The following DIXDC1 variants were observed in gnomAD, a reference collection of about 807,000 sequenced individuals.
DIXDC1 encodes DIX domain containing 1.
Under a neutral mutation model 103.1 loss-of-function variants are expected in DIXDC1, and 64 were observed. The ratio of observed to expected loss-of-function variants is 0.62; its 90% CI spans 0.51 to 0.76. DIXDC1 has a LOEUF of 0.76. Among genes scored for constraint, DIXDC1 ranks in the 30% least tolerant of loss-of-function variants. The pLI, the probability that DIXDC1 is intolerant of heterozygous loss-of-function variation, is 0.00. For synonymous variants in DIXDC1, 266 were observed against 298.5 expected, an observed-to-expected ratio of 0.89 and a Z score of 1.12; for missense variants, 759 against 834.2, an observed-to-expected ratio of 0.91 and a Z score of 1.11.
Position 111,997,347 on chromosome 11 carries a change from C to T in DIXDC1, c.1756+1201C>T, listed in dbSNP as rs1458175267. Among the ~76,000 whole-genome samples, 7 of 150,726 alleles carry T rather than the reference C, an allele frequency of 4.6e-5. No individual in the cohort carries two copies. In the East Asian group the frequency reaches 5.8e-4, roughly 13 times the overall value. On this transcript the variant is annotated intron_variant, in intron 17 of 19. Transcript: ENST00000440460. ...AATGAAACAAATTTTTTTTTTTTAGCGGCGGGGGATGGAGTTTCACTCTTG... is the reference window on the plus strand; with the variant it reads ...AATGAAACAAATTTTTTTTTTTTAGTGGCGGGGGATGGAGTTTCACTCTTG...
chr11:111,964,703 C>A, intron 2 of DIXDC1, 25 bp downstream of exon 2: 1 of 1,580,712 alleles, frequency 6.3e-7, no homozygotes, highest in South Asian at 1.2e-5. Context: ...GACTCTGATA[C>A]TAGAGTACAT....
At chr11:111,948,279 G>T (rs781785186) in intron 1 of DIXDC1, among the ~76,000 whole-genome samples, 2 of 152,122 alleles carry the variant, frequency 1.3e-5, no homozygotes, top group Non-Finnish European at 2.9e-5. Flanking sequence ...CAGTTTTCAC[G>T]GTCCTACATT....
At chr11:111,952,722 A>G (rs1285613268) in intron 1 of DIXDC1, among the ~76,000 whole-genome samples, 6 of 151,814 alleles carry the variant, frequency 4.0e-5, no homozygotes, top group Non-Finnish European at 7.4e-5. Context: ...TAGGAGGCCG[A>G]GGCAGGAGAA....
At chr11:111,997,602 AT>A (rs1555175531) in intron 17 of DIXDC1, among the ~76,000 whole-genome samples, 1 of 152,204 alleles carries the variant, frequency 6.6e-6, no homozygotes, top group African/African-American at 2.4e-5. Context: ...GTGTTTCAAA[AT>A]AGTCATTTCT....
At chr11:111,928,515 C>G (rs1240660429) in intron 1 of DIXDC1, 1 of 152,264 alleles carries the variant, frequency 6.6e-6, no homozygotes, top group East Asian at 1.9e-4. Context: ...AATCACAGCA[C>G]TTTGGGAGGC....
chr11:111,949,342 G>A (rs1966699679), intron 1 of DIXDC1, among the ~76,000 whole-genome samples: 2 of 152,168 alleles, frequency 1.3e-5, no homozygotes, highest in South Asian at 2.1e-4. Context: ...ACTTTTCCCA[G>A]TGCTTGTTCT....
At position 112,017,508 on chromosome 11, in the gene DIXDC1, T is replaced by G. The variant is rs1861630275; in HGVS notation, c.1863-269T>G. 8.3e-6 allele frequency: 2 copies of G among 241,098 alleles called. No homozygotes were observed. The highest frequency in any genetic ancestry group is 1.6e-5 in the Non-Finnish European group (2 of 124,212). The allele number at this position is 241,098 out of a possible 1,614,324, so 14.9% of individuals were successfully genotyped here. A position where few individuals can be genotyped will look rare whatever the true frequency, so the allele number is the denominator to read the frequency against. On this transcript the variant is annotated intron_variant, in intron 18 of 19. Transcript: ENST00000440460. This position sits in a 1 kb window ranked among gnomAD's most constrained non-coding sequence, Gnocchi z 4.0. ...ATTTTATTTCAGGGACTTTATATCT[T>G]ATTTCCAGAGAAAAGTGATTTGGCT... is the stretch of plus-strand genomic sequence containing the variant.
At chr11:111,967,974 G>C (rs2137518225) in intron 2 of DIXDC1, among the ~76,000 whole-genome samples, 1 of 152,296 alleles carries the variant, frequency 6.6e-6, no homozygotes, top group African/African-American at 2.4e-5. Flanking sequence ...TTGTCCCTGT[G>C]GTTCCTCAGT....
At chr11:111,994,596 A>ATATG (rs199915608) in intron 14 of DIXDC1, among the ~76,000 whole-genome samples, 11 of 147,512 alleles carry the variant, frequency 7.5e-5, no homozygotes, top group East Asian at 1.9e-4. Flanking sequence ...TTATGTATGT[A>ATATG]TATGTATGTA....
At chr11:111,941,872 A>ACACC (rs1169037989) in intron 1 of DIXDC1, among the ~76,000 whole-genome samples, 25 of 150,932 alleles carry the variant, frequency 1.7e-4, no homozygotes, top group Admixed American at 5.9e-4. Flanking sequence ...ACACACACAC[A>ACACC]CCCACGAAGA....
chr11:112,007,874 C>T (rs1436306313), intron 17 of DIXDC1, among the ~76,000 whole-genome samples: 4 of 150,530 alleles, frequency 2.7e-5, no homozygotes, highest in South Asian at 2.1e-4. Flanking sequence ...TCAAGACCAT[C>T]GATGCTATGA....
chr11:111,992,842 C>T, intron 11 of DIXDC1, 109 bp from the exon 12 acceptor site: 1 of 1,096,958 alleles, frequency 9.1e-7, no homozygotes, highest in Non-Finnish European at 1.3e-6. Flanking sequence ...CATACCCTCT[C>T]TGTGCTGCAT....
In DIXDC1 at chr11:111,992,046, C is replaced by T. The variant is rs587736427; in HGVS notation, c.1114-369C>T. ...AGAGTGCATTGTCCAAGGCTGACAT[C>T]ACAAAAGTAGTAAGTGGTAGGTTTA... On this transcript the variant is annotated intron_variant, in intron 10 of 19. Coordinates refer to ENST00000440460, the MANE Select transcript of DIXDC1 (RefSeq NM_001037954.4). Among the ~76,000 whole-genome samples the T allele has an allele frequency of 9.2e-5, 14 of 152,278 alleles. No individual in the cohort carries two copies. The South Asian group carries it at 2.7e-3, about 29-fold the overall frequency.
rs1270795925 is a variant in DIXDC1, at chr11:111,998,862, A to G, written c.1756+2716A>G. Among the ~76,000 whole-genome samples, 2 of 152,202 alleles carry G rather than the reference A, an allele frequency of 1.3e-5. No individual in the cohort carries two copies. The highest frequency in any genetic ancestry group is 1.5e-5 in the Non-Finnish European group (1 of 68,038). On this transcript the variant is annotated intron_variant, in intron 17 of 19. Transcript: ENST00000440460. The surrounding 1 kb of genome is among the most constrained non-coding windows in gnomAD (Gnocchi z 4.1). ...TACTATATTTTTAAATGTAAACTAG[A>G]TATCTCTCTCTGTAGGTCCCAAGGC... is the stretch of plus-strand genomic sequence containing the variant.
intron 3 of DIXDC1, 61 bp downstream of exon 3, chr11:111,968,699 A>G (rs1859814522): frequency 1.4e-6 from 2 of 1,478,118 alleles, no homozygotes; most frequent in South Asian, 1.5e-5. Context: ...TGCTAGCCTC[A>G]GGAAAATCCT....
Position 111,977,392 on chromosome 11 carries a change from G to A in DIXDC1, c.656+2409G>A. ...GCCGGGAGCCTCCCTCCCAGTGGGA[G>A]ATGGGTTGAGATGCCCCCGCCAGGG... On this transcript the variant is annotated intron_variant, in intron 5 of 19. Coordinates refer to ENST00000440460, the MANE Select transcript of DIXDC1 (RefSeq NM_001037954.4). The surrounding 1 kb of genome is among the most constrained non-coding windows in gnomAD (Gnocchi z 6.1). 1 of 1,106,906 alleles carries A rather than the reference G, an allele frequency of 9.0e-7. No homozygotes were observed. The allele number at this position is 1,106,906 out of a possible 1,614,324, so 68.6% of individuals were successfully genotyped here.
chr11:111,990,249 C>T (rs1374063971), intron 10 of DIXDC1, among the ~76,000 whole-genome samples: 7 of 151,970 alleles, frequency 4.6e-5, no homozygotes, highest in African/African-American at 1.7e-4. Flanking sequence ...CACCATCACA[C>T]CCAGCTAATT....
At chr11:111,995,248 C>A in intron 15 of DIXDC1, 140 bp downstream of exon 15, 1 of 1,302,248 alleles carries the variant, frequency 7.7e-7, no homozygotes, top group South Asian at 1.3e-5. Context: ...AGATGTGAGG[C>A]ACTTGCTATC....
At chr11:111,996,307 A>G (rs957480019) in intron 17 of DIXDC1, 161 bp downstream of exon 17, 62 of 589,384 alleles carry the variant, frequency 1.1e-4, no homozygotes, top group Non-Finnish European at 1.6e-4. Context: ...TTCTAAGACT[A>G]TGAAGACATA....
Sources: gnomAD v4.1 joint callset for allele counts (sites outside exome capture counted in the v4.1 genomes callset) on GRCh38, gnomAD v4.1.1 for gene constraint, Gnocchi (gnomAD v3.1) non-coding constraint, MANE v1.5 for transcripts, NCBI Gene and HGNC (gene_info 2026-07-23, HGNC 2026-07-21) for gene names.